The following SYT1 variants were observed in gnomAD, a reference collection of about 807,000 sequenced individuals.
SYT1 encodes synaptotagmin 1, also known as synaptotagmin-1.
SYT1 carries 8 observed loss-of-function variants against 44.8 expected under a neutral mutation model. That is an observed-to-expected ratio of 0.18 (90% CI 0.10 to 0.32). SYT1 has a LOEUF of 0.32. SYT1 is among the 10% of genes least tolerant of loss of function. SYT1 has a pLI of 1.00. For synonymous variants in SYT1, 154 were observed against 188.8 expected, an observed-to-expected ratio of 0.82 and a Z score of 1.51; for missense variants, 286 against 509.3, an observed-to-expected ratio of 0.56 and a Z score of 4.22.
chr12:79,091,564 A>G (rs1217537451), intron 3 of SYT1, among the ~76,000 whole-genome samples: 1 of 152,004 alleles, frequency 6.6e-6, no homozygotes, highest in Non-Finnish European at 1.5e-5. Flanking sequence ...TCTGGAGTCA[A>G]CCAGCTTCAG....
At chr12:79,146,760 C>T (rs1213778573) in intron 3 of SYT1, among the ~76,000 whole-genome samples, 1 of 152,090 alleles carries the variant, frequency 6.6e-6, no homozygotes, top group African/African-American at 2.4e-5. Flanking sequence ...GTTTTCTGAA[C>T]GTTTTTAGAT....
intron 3 of SYT1, among the ~76,000 whole-genome samples, chr12:79,166,677 A>G (rs1289652554): frequency 1.3e-5 from 2 of 151,992 alleles, no homozygotes; most frequent in Non-Finnish European, 2.9e-5. Flanking sequence ...ATTGACATCA[A>G]AATAGGTATA....
intron 8 of SYT1, 78 bp from the exon 9 acceptor site, chr12:79,353,424 G>T: frequency 8.9e-7 from 1 of 1,119,564 alleles, no homozygotes; most frequent in Non-Finnish European, 1.3e-6. Flanking sequence ...TCCTCTTGAA[G>T]AATTTACAAT....
At chr12:79,441,986 T>C (rs1025018039) in intron 9 of SYT1, among the ~76,000 whole-genome samples, 3 of 152,262 alleles carry the variant, frequency 2.0e-5, no homozygotes, top group Admixed American at 2.0e-4. Flanking sequence ...GTCAGAGCTC[T>C]TAGCAAAATC....
At chr12:79,257,376 G>A (rs184906936) in intron 4 of SYT1, among the ~76,000 whole-genome samples, 1 of 152,232 alleles carries the variant, frequency 6.6e-6, no homozygotes, top group Non-Finnish European at 1.5e-5. Flanking sequence ...CATCTTGCCA[G>A]TGGTACTACA....
chr12:78,882,072 A>G lies in SYT1; in HGVS notation c.-217+16963A>G, dbSNP rs137867636. ...GGAGAAGCCACTAAGAACATAAACC[A>G]TAAGAGGTCGGGGGCCATGTATGCT... On this transcript the variant is annotated intron_variant, in intron 1 of 10. Transcript: ENST00000261205. 5.0e-3 allele frequency among the ~76,000 whole-genome samples: 758 copies of G among 151,896 alleles called. 5 individuals carry two copies. The highest frequency in any genetic ancestry group is 0.017 in the African/African-American group (704 of 41,516).
intron 9 of SYT1, among the ~76,000 whole-genome samples, chr12:79,413,564 T>C (rs1164415456): frequency 6.6e-6 from 1 of 152,208 alleles, no homozygotes. Flanking sequence ...TAGCTGTTTG[T>C]AGCATTTCCT....
chr12:79,249,094 T>TA (rs1877027357), intron 4 of SYT1, among the ~76,000 whole-genome samples: 1 of 101,592 alleles, frequency 9.8e-6, no homozygotes, highest in Non-Finnish European at 2.0e-5. Flanking sequence ...CTTTCTTTTT[T>TA]TTTTTTTTTT....
At chr12:78,949,923 G>C (rs1167051216) in intron 1 of SYT1, among the ~76,000 whole-genome samples, 1 of 151,966 alleles carries the variant, frequency 6.6e-6, no homozygotes, top group Non-Finnish European at 1.5e-5. Flanking sequence ...TGAACAGGAA[G>C]AGTAAATAAA....
At chr12:79,142,661 TGAG>T (rs1296620765) in intron 3 of SYT1, among the ~76,000 whole-genome samples, 13 of 152,146 alleles carry the variant, frequency 8.5e-5, no homozygotes, top group African/African-American at 2.9e-4. Flanking sequence ...ATTAGTAAAA[TGAG>T]GAGAAATAAA....
At chr12:79,395,844 C>A (rs1884847834) in intron 9 of SYT1, among the ~76,000 whole-genome samples, 1 of 152,090 alleles carries the variant, frequency 6.6e-6, no homozygotes, top group Non-Finnish European at 1.5e-5. Flanking sequence ...CATATCATAT[C>A]AAAATAAATT....
At chr12:79,365,854 G>A (rs1247212129) in intron 9 of SYT1, among the ~76,000 whole-genome samples, 1 of 79,498 alleles carries the variant, frequency 1.3e-5, no homozygotes. Flanking sequence ...AAAAAAAGCA[G>A]GTCATTAGCT....
At chr12:79,049,838 T>C (rs1459892714) in intron 3 of SYT1, among the ~76,000 whole-genome samples, 1 of 152,030 alleles carries the variant, frequency 6.6e-6, no homozygotes, top group Non-Finnish European at 1.5e-5. Flanking sequence ...AACAAGTTGA[T>C]AATTGATTAA....
At chr12:79,216,067 G>T (rs960904004) in intron 3 of SYT1, among the ~76,000 whole-genome samples, 2 of 151,264 alleles carry the variant, frequency 1.3e-5, no homozygotes, top group Admixed American at 1.3e-4. Context: ...GACTATCTGG[G>T]ATTACAGGTG....
intron 3 of SYT1, among the ~76,000 whole-genome samples, chr12:79,127,464 G>A (rs1224861371): frequency 1.3e-5 from 2 of 151,592 alleles, no homozygotes; most frequent in African/African-American, 2.4e-5. Context: ...CAGTGTAGGT[G>A]GTAACAGCCA....
intron 9 of SYT1, among the ~76,000 whole-genome samples, chr12:79,379,731 T>C (rs143119972): frequency 6.6e-6 from 1 of 152,244 alleles, no homozygotes; most frequent in African/African-American, 2.4e-5. Flanking sequence ...GATAACTATG[T>C]TTACTAAGAG....
intron 3 of SYT1, among the ~76,000 whole-genome samples, chr12:79,132,592 G>A (rs1223662515): frequency 1.3e-5 from 2 of 150,536 alleles, no homozygotes; most frequent in Non-Finnish European, 3.0e-5. Flanking sequence ...AACAAGGGCT[G>A]GTGAGGATGT....
chr12:79,039,313 G>A (rs1259267155), intron 2 of SYT1, among the ~76,000 whole-genome samples: 4 of 151,960 alleles, frequency 2.6e-5, no homozygotes, highest in Non-Finnish European at 5.9e-5. Flanking sequence ...ACAGATTAAT[G>A]TTCTTTAAAA....
intron 1 of SYT1, among the ~76,000 whole-genome samples, chr12:78,914,333 A>T (rs1168015368): frequency 6.6e-6 from 1 of 151,884 alleles, no homozygotes; most frequent in Non-Finnish European, 1.5e-5. Flanking sequence ...CATAACTGGG[A>T]CTAGAAACAC....
Sources: allele counts gnomAD v4.1 joint callset (sites outside exome capture counted in the v4.1 genomes callset), GRCh38; gene constraint gnomAD v4.1.1; transcripts MANE v1.5; gene names NCBI Gene and HGNC (gene_info 2026-07-23, HGNC 2026-07-21).